ANKRD12: variants seen among roughly 807,000 people sequenced by gnomAD.
ANKRD12 encodes the protein ankyrin repeat domain 12, also known as ankyrin repeat domain-containing protein 12.
In ANKRD12, 85 loss-of-function variants were observed where a neutral mutation model predicts 183.4. The observed-to-expected ratio is 0.46, with a 90% CI of 0.39 to 0.56. ANKRD12 has a LOEUF of 0.56. Ranked by LOEUF, ANKRD12 falls within the 20% of genes least tolerant of loss-of-function variation. The pLI is 0.00. For synonymous variants in ANKRD12, 914 were observed against 800.2 expected (o/e 1.14, Z -2.40); for missense variants, 2,405 against 2,357.1 (o/e 1.02, Z -0.42).
chr18:9,181,229 C>G (rs1299945583), intron 1 of ANKRD12, among the ~76,000 whole-genome samples: 1 of 151,904 alleles, frequency 6.6e-6, no homozygotes, highest in East Asian at 1.9e-4. Context: ...TAATTATTTC[C>G]AGATTAATAT....
intron 1 of ANKRD12, among the ~76,000 whole-genome samples, chr18:9,174,407 T>C (rs972213630): frequency 8.5e-5 from 13 of 152,160 alleles, no homozygotes. Flanking sequence ...TCTGTAAAAC[T>C]CCTGGGTTTA....
intron 8 of ANKRD12, among the ~76,000 whole-genome samples, chr18:9,227,357 TAGC>T (rs1260226451): frequency 3.3e-5 from 5 of 152,278 alleles, no homozygotes; most frequent in Admixed American, 2.0e-4. Flanking sequence ...ATGACTAAAA[TAGC>T]AGTTATCATT....
At chr18:9,271,487 C>T (rs552225632) in intron 10 of ANKRD12, among the ~76,000 whole-genome samples, 11 of 152,068 alleles carry the variant, frequency 7.2e-5, no homozygotes, top group Non-Finnish European at 1.2e-4. Context: ...CCACTGTACT[C>T]CAGCCTGGGG....
chr18:9,140,611 A>T (rs896583165), intron 1 of ANKRD12, among the ~76,000 whole-genome samples: 1 of 152,224 alleles, frequency 6.6e-6, no homozygotes, highest in Non-Finnish European at 1.5e-5. Context: ...GTTTTCAGGT[A>T]CGCAAAAGGA....
intron 2 of ANKRD12, among the ~76,000 whole-genome samples, 174 bp from the exon 3 acceptor site, chr18:9,195,377 G>A (rs2034718697): frequency 6.6e-6 from 1 of 152,088 alleles, no homozygotes; most frequent in Non-Finnish European, 1.5e-5. Flanking sequence ...TAAGAGTAGG[G>A]AAATATGAAA....
intron 1 of ANKRD12, among the ~76,000 whole-genome samples, chr18:9,166,799 G>A (rs1418412200): frequency 1.1e-4 from 17 of 152,238 alleles, no homozygotes; most frequent in African/African-American, 1.9e-4. Context: ...GCCCATGCCT[G>A]TGTCCTGAAT....
chr18:9,221,863 G>A lies in ANKRD12; in HGVS notation c.807G>A (p.Leu269=), dbSNP rs2036439879. ...TTTTATTGTTGCAGATAGTAAAGCT[G>A]TTACTTCGTCACGGTGGAAATCCAT... ...ASSGHRDIVK[L]LLRHGGNPFQ... is the part of the protein sequence containing the mutation. Residue 269 remains leucine, a synonymous_variant, in exon 8 of 13, where the codon CTG becomes CTA. Transcript: ENST00000262126. The A allele has an allele frequency of 6.2e-7, 1 of 1,613,702 alleles. No homozygotes were observed. Among genetic ancestry groups the A allele is most frequent in the African/African-American group, 1.3e-5 (1 of 74,894 alleles).
At chr18:9,279,513 T>G (rs1342683568) in intron 11 of ANKRD12, 36 bp from the exon 12 acceptor site, 2 of 1,231,902 alleles carry the variant, frequency 1.6e-6, no homozygotes, top group Non-Finnish European at 2.4e-6. Context: ...TTAAAGTGAT[T>G]TATTGTATTT....
At chr18:9,274,267 C>T (rs544199740) in intron 10 of ANKRD12, among the ~76,000 whole-genome samples, 7 of 152,284 alleles carry the variant, frequency 4.6e-5, no homozygotes, top group Admixed American at 1.3e-4. Context: ...TTTGGGGTAG[C>T]GTTTTCTGCC....
intron 8 of ANKRD12, among the ~76,000 whole-genome samples, chr18:9,253,416 C>T (rs2038415407): frequency 6.6e-6 from 1 of 152,184 alleles, no homozygotes; most frequent in African/African-American, 2.4e-5. Context: ...CTCCCACATA[C>T]AAGTGAGAAA....
intron 10 of ANKRD12, among the ~76,000 whole-genome samples, chr18:9,265,046 A>G (rs2039201623): frequency 6.6e-6 from 1 of 152,184 alleles, no homozygotes; most frequent in Admixed American, 6.5e-5. Flanking sequence ...GCAGTCTGAG[A>G]TCAAACCGCA....
intron 11 of ANKRD12, among the ~76,000 whole-genome samples, chr18:9,278,727 GT>G (rs1176409716): frequency 2.0e-5 from 3 of 152,108 alleles, no homozygotes; most frequent in Non-Finnish European, 4.4e-5. Flanking sequence ...AACCTGGGAG[GT>G]GGAGATTGCA....
At chr18:9,263,304 A>G (rs1435024345) in intron 9 of ANKRD12, among the ~76,000 whole-genome samples, 1 of 152,326 alleles carries the variant, frequency 6.6e-6, no homozygotes, top group East Asian at 1.9e-4. Context: ...TTTGAAAACA[A>G]TTTCTCAGAC....
At chr18:9,196,222 A>ACT (rs1555618213) in intron 3 of ANKRD12, among the ~76,000 whole-genome samples, 12 of 133,218 alleles carry the variant, frequency 9.0e-5, no homozygotes, top group African/African-American at 3.4e-4. Context: ...ACACACACAC[A>ACT]CTGAGGCTAA....
intron 1 of ANKRD12, among the ~76,000 whole-genome samples, chr18:9,162,740 A>G (rs538545464): frequency 1.2e-4 from 18 of 152,238 alleles, no homozygotes; most frequent in Admixed American, 7.9e-4. Context: ...AATAATCGCC[A>G]TTCTGACTGG....
intron 8 of ANKRD12, among the ~76,000 whole-genome samples, chr18:9,247,470 C>A (rs991777218): frequency 6.6e-6 from 1 of 151,948 alleles, no homozygotes; most frequent in Non-Finnish European, 1.5e-5. Context: ...TGGACGGAGA[C>A]CCTATCTAAA....
rs1598725493 is a variant in ANKRD12, at chr18:9,257,744, T to C, written c.4477T>C (p.Ser1493Pro). ...ASFMPPQQPC[S>P]FPSQSLSDAE... The stretch of plus-strand genomic sequence containing the variant: ...CTTTATGCCTCCACAGCAGCCTTGC[T>C]CTTTCCCCAGCCAATCACTTTCAGA... Residue 1493 changes from serine (S) to proline (P), a missense_variant, in exon 9 of 13, where the codon TCT becomes CCT. Ser to Pro is a moderately conservative substitution (Grantham distance 74). Around this residue, in one of 7 missense-constraint regions of ANKRD12, gnomAD observed 1,983 missense variants for 1,725.9 expected, o/e 1.15. Coordinates refer to ENST00000262126, the MANE Select transcript of ANKRD12 (RefSeq NM_015208.5). 1 of 1,614,096 alleles carries C rather than the reference T, an allele frequency of 6.2e-7. No individual in the cohort carries two copies. Among genetic ancestry groups the C allele is most frequent in the Non-Finnish European group, 8.5e-7 (1 of 1,180,000 alleles).
At chr18:9,227,534 G>A (rs151249320) in intron 8 of ANKRD12, among the ~76,000 whole-genome samples, 3 of 152,286 alleles carry the variant, frequency 2.0e-5, no homozygotes, top group East Asian at 1.9e-4. Flanking sequence ...AGATCTTACC[G>A]AAAGGTGTTA....
At chr18:9,140,846 T>A (rs1315172436) in intron 1 of ANKRD12, among the ~76,000 whole-genome samples, 3 of 151,524 alleles carry the variant, frequency 2.0e-5, no homozygotes, top group Non-Finnish European at 4.4e-5. Flanking sequence ...TAATCATAGA[T>A]AATATTTGCT....
Sources: allele counts gnomAD v4.1 joint callset (sites outside exome capture counted in the v4.1 genomes callset), GRCh38; gene constraint gnomAD v4.1.1; regional missense constraint gnomAD v4.1.1; transcripts MANE v1.5; gene names NCBI Gene and HGNC (gene_info 2026-07-23, HGNC 2026-07-21).